Variants in NUBPL observed in about 807,000 individuals in gnomAD.
NUBPL encodes NUBP iron-sulfur cluster assembly factor, mitochondrial, also known as iron-sulfur cluster transfer protein NUBPL.
A neutral mutation model predicts 45.7 loss-of-function variants in NUBPL; 31 were observed. That is an observed-to-expected ratio of 0.68 (90% CI 0.51 to 0.92). The LOEUF is 0.92. Among genes scored for constraint, NUBPL ranks in the 40% least tolerant of loss-of-function variants. The pLI, the probability that NUBPL is intolerant of heterozygous loss-of-function variation, is 0.00. For missense variants in NUBPL, 401 were observed against 398.7 expected, an observed-to-expected ratio of 1.01 and a Z score of -0.05; for synonymous variants, 144 against 140.9, an observed-to-expected ratio of 1.02 and a Z score of -0.15.
rs1162698603 is a variant in NUBPL at position 31,738,006 on chromosome 14, G to A, written c.514-49774G>A. ...AAATAAAAGTAATGGTTCAGTGCTG[G>A]CCTTTTACAAGTTTTGCATGATAAC... On this transcript the variant is annotated intron_variant, in intron 6 of 10. Coordinates refer to ENST00000281081, the MANE Select transcript of NUBPL (RefSeq NM_025152.3). Among the ~76,000 whole-genome samples the A allele has an allele frequency of 3.9e-5, 6 of 151,920 alleles. No homozygotes were observed. The East Asian group carries it at 1.2e-3, about 29-fold the overall frequency.
At chr14:31,649,840 G>A (rs1323622798) in intron 4 of NUBPL, among the ~76,000 whole-genome samples, 1 of 152,112 alleles carries the variant, frequency 6.6e-6, no homozygotes, top group Non-Finnish European at 1.5e-5. Context: ...TTTGCCTTTA[G>A]GAGATTCAAA....
rs149124574 is a variant in NUBPL at position 31,740,766 on chromosome 14, A to T, written c.514-47014A>T. Among the ~76,000 whole-genome samples the T allele has an allele frequency of 2.1e-3, 316 of 152,288 alleles. 1 individual carries two copies. The highest frequency in any genetic ancestry group is 7.3e-3 in the African/African-American group (302 of 41,564). On this transcript the variant is annotated intron_variant, in intron 6 of 10. Transcript: ENST00000281081. Reference sequence around the variant, plus strand: ...CCCAGGTTTCATCTTTTGTAGTTGTATCACAATTCTTGGAGATTCTGTTCT... The same window carrying T: ...CCCAGGTTTCATCTTTTGTAGTTGTTTCACAATTCTTGGAGATTCTGTTCT...
intron 7 of NUBPL, chr14:31,801,212 A>G (rs2039583053): frequency 6.6e-6 from 1 of 152,222 alleles, no homozygotes; most frequent in Non-Finnish European, 1.5e-5. Context: ...TTCTCCTCCC[A>G]CAGTCTCATC....
intron 4 of NUBPL, among the ~76,000 whole-genome samples, chr14:31,629,584 T>C (rs550468275): frequency 6.6e-6 from 1 of 152,194 alleles, no homozygotes; most frequent in Non-Finnish European, 1.5e-5. Context: ...GCCTGATTAA[T>C]AAACACACAG....
At chr14:31,739,807 C>T (rs1327658393) in intron 6 of NUBPL, among the ~76,000 whole-genome samples, 2 of 152,132 alleles carry the variant, frequency 1.3e-5, no homozygotes, top group Admixed American at 1.3e-4. Flanking sequence ...CCTCTGTGTC[C>T]TGCCTATTGA....
At position 31,850,146 on chromosome 14, in the gene NUBPL, G is replaced by A; in HGVS notation, c.842G>A (p.Arg281Lys). The A allele has an allele frequency of 6.2e-7, 1 of 1,613,836 alleles. No individual in the cohort carries two copies. Among genetic ancestry groups the A allele is most frequent in the Non-Finnish European group, 8.5e-7 (1 of 1,179,852 alleles). ...GACATTCCCTTACACCTTAATATAA[G>A]GGAAGCTTCAGATACAGGCCAGCCA... Reference protein sequence around the residue: ...LGDIPLHLNIREASDTGQPIV... With the variant: ...LGDIPLHLNIKEASDTGQPIV... Residue 281 changes from arginine (R) to lysine (K), a missense_variant, in exon 10 of 11, where the codon AGG (arginine) becomes AAG (lysine). Physicochemically the swap from Arg to Lys is conservative, Grantham distance 26. Coordinates refer to ENST00000281081, the MANE Select transcript of NUBPL (RefSeq NM_025152.3).
chr14:31,707,749 A>T (rs1439240301), intron 6 of NUBPL, among the ~76,000 whole-genome samples: 1 of 152,200 alleles, frequency 6.6e-6, no homozygotes, highest in Non-Finnish European at 1.5e-5. Context: ...AACACCTTGT[A>T]CCCTTGATTA....
intron 6 of NUBPL, among the ~76,000 whole-genome samples, chr14:31,719,004 G>T (rs569816677): frequency 6.6e-6 from 1 of 152,166 alleles, no homozygotes; most frequent in African/African-American, 2.4e-5. Flanking sequence ...AGTCAAAAAT[G>T]CATTTAATAC....
At chr14:31,595,844 A>G (rs2139543195) in intron 3 of NUBPL, among the ~76,000 whole-genome samples, 1 of 152,152 alleles carries the variant, frequency 6.6e-6, no homozygotes, top group East Asian at 1.9e-4. Context: ...TAGCTGTGCC[A>G]ATTCTAAGTA....
At chr14:31,783,955 G>C (rs7161628) in intron 6 of NUBPL, among the ~76,000 whole-genome samples, 24,049 of 152,214 alleles carry the variant, frequency 0.16, 5,388 homozygotes, top group African/African-American at 0.5. Context: ...TCAGTCTGCC[G>C]GTGCTAGGAG....
At chr14:31,856,047 C>T (rs144817822) in intron 10 of NUBPL, among the ~76,000 whole-genome samples, 59 of 152,028 alleles carry the variant, frequency 3.9e-4, no homozygotes, top group African/African-American at 1.2e-3. Flanking sequence ...TTATTTTATT[C>T]GTTTGTTTTC....
intron 3 of NUBPL, among the ~76,000 whole-genome samples, chr14:31,595,787 A>G (rs2034266487): frequency 6.6e-6 from 1 of 152,166 alleles, no homozygotes; most frequent in African/African-American, 2.4e-5. Flanking sequence ...AGACTTGAAA[A>G]TCTGTTTAAA....
At chr14:31,730,449 C>T (rs958072901) in intron 6 of NUBPL, among the ~76,000 whole-genome samples, 1 of 151,338 alleles carries the variant, frequency 6.6e-6, no homozygotes, top group African/African-American at 2.4e-5. Flanking sequence ...TCATCATCTG[C>T]TGGATCAAGT....
chr14:31,599,576 C>T (rs979526818), intron 4 of NUBPL, among the ~76,000 whole-genome samples, 197 bp downstream of exon 4: 1 of 152,136 alleles, frequency 6.6e-6, no homozygotes, highest in African/African-American at 2.4e-5. Context: ...AGTTAAGTTC[C>T]TATGGCATAT....
intron 8 of NUBPL, among the ~76,000 whole-genome samples, chr14:31,831,468 T>TACCATACCATACC (rs1555342391): frequency 1.4e-5 from 2 of 143,060 alleles, no homozygotes; most frequent in African/African-American, 2.6e-5. Context: ...TATACTGTAC[T>TACCATACCATACC]ATACCATACC....
chr14:31,780,807 G>A lies in NUBPL; in HGVS notation c.514-6973G>A, dbSNP rs969992821. ...ACTAACAAAGAAATCTAGGTATTTC[G>A]GTAGCATATAACTAATTTCACATCA... On this transcript the variant is annotated intron_variant, in intron 6 of 10. Transcript: ENST00000281081. Among the ~76,000 whole-genome samples the A allele has an allele frequency of 5.3e-5, 8 of 152,180 alleles. No individual in the cohort carries two copies. In the East Asian group the frequency reaches 5.8e-4, roughly 11 times the overall value.
intron 3 of NUBPL, among the ~76,000 whole-genome samples, chr14:31,583,552 T>A (rs2033918981): frequency 6.6e-6 from 1 of 152,212 alleles, no homozygotes; most frequent in Non-Finnish European, 1.5e-5. Flanking sequence ...GAGAGAAGAC[T>A]TCCCCCAGTG....
At chr14:31,590,662 G>T (rs908789761) in intron 3 of NUBPL, among the ~76,000 whole-genome samples, 1 of 152,102 alleles carries the variant, frequency 6.6e-6, no homozygotes, top group East Asian at 1.9e-4. Flanking sequence ...TTATTTGTTT[G>T]GGGAAAGGTT....
At chr14:31,782,048 A>AT (rs2039200179) in intron 6 of NUBPL, among the ~76,000 whole-genome samples, 1 of 152,086 alleles carries the variant, frequency 6.6e-6, no homozygotes, top group African/African-American at 2.4e-5. Flanking sequence ...TGACAAAATA[A>AT]TTTTTTTCTC....
Sources: gnomAD v4.1 joint callset for allele counts (sites outside exome capture counted in the v4.1 genomes callset) on GRCh38, gnomAD v4.1.1 for gene constraint, MANE v1.5 for transcripts, NCBI Gene and HGNC (gene_info 2026-07-23, HGNC 2026-07-21) for gene names.